PCNX1: variants seen among roughly 807,000 people sequenced by gnomAD.
PCNX1 encodes pecanex-like protein 1.
In PCNX1, 78 loss-of-function variants were observed where a neutral mutation model predicts 242.2. The ratio of observed to expected loss-of-function variants is 0.32; its 90% CI spans 0.27 to 0.39. The LOEUF (loss-of-function observed/expected upper bound fraction) is 0.39, where lower values mean the gene tolerates loss of function less well. Ranked by LOEUF, PCNX1 falls within the 10% of genes least tolerant of loss-of-function variation. The probability of loss-of-function intolerance (pLI) is 1.00; values close to 1 mark genes in which losing one functional copy is unlikely to be tolerated. For missense variants in PCNX1, 2,581 were observed against 2,856.5 expected, an observed-to-expected ratio of 0.90 and a Z score of 2.20; for synonymous variants, 1,024 against 1,032.9, an observed-to-expected ratio of 0.99 and a Z score of 0.17.
Position 71,114,959 on chromosome 14 carries a change from A to G in PCNX1, c.*5024A>G, listed in dbSNP as rs1402208978. The stretch of plus-strand genomic sequence containing the variant: ...TAATAGAAATGGGGGGGGGGGGGGG[A>G]ATCATGTCTGCTTATGCTTTTTAAA... On this transcript the variant is annotated 3_prime_UTR_variant, in exon 36 of 36. Transcript: ENST00000304743. 11 of 86,178 alleles carry G rather than the reference A, an allele frequency of 1.3e-4. No individual in the cohort carries two copies. The South Asian group carries it at 1.5e-3, about 12-fold the overall frequency. The allele number at this position is 86,178 out of a possible 1,614,324, so 5.3% of individuals were successfully genotyped here. A position where few individuals can be genotyped will look rare whatever the true frequency, so the allele number is the denominator to read the frequency against.
chr14:70,939,441 T>C (rs2057143931), intron 1 of PCNX1, among the ~76,000 whole-genome samples: 1 of 152,206 alleles, frequency 6.6e-6, no homozygotes, highest in Non-Finnish European at 1.5e-5. Context: ...GTTGAGTGGT[T>C]TTGAGTGAGT....
intron 1 of PCNX1, among the ~76,000 whole-genome samples, chr14:70,914,491 A>C (rs1460866625): frequency 6.6e-6 from 1 of 152,208 alleles, no homozygotes; most frequent in Non-Finnish European, 1.5e-5. Flanking sequence ...CAAATCATAA[A>C]ATCATTTGGT....
chr14:71,057,554 C>A lies in PCNX1; in HGVS notation c.4682C>A (p.Thr1561Asn). Reference sequence around the variant, plus strand: ...AATTCCATCTTTTATGAGCATTTAACTAGATCCCTACAGCACAGCCTCTGT... The same window carrying A: ...AATTCCATCTTTTATGAGCATTTAAATAGATCCCTACAGCACAGCCTCTGT... ...NLNSIFYEHL[T>N]RSLQHSLCGD... is the part of the protein sequence containing the mutation. The change falls in exon 26 of 36, where the codon ACT (threonine) becomes AAT (asparagine). Residue 1561 changes from threonine to asparagine, a missense_variant. By Grantham distance (65) the Thr-to-Asn change is moderately conservative. Transcript: ENST00000304743. 1 of 1,613,558 alleles carries A rather than the reference C, an allele frequency of 6.2e-7. No individual in the cohort carries two copies. The highest frequency in any genetic ancestry group is 8.5e-7 in the Non-Finnish European group (1 of 1,179,558).
At chr14:71,023,075 T>A (rs1566712772) in intron 12 of PCNX1, 125 bp from the exon 13 acceptor site, 2 of 727,708 alleles carry the variant, frequency 2.7e-6, no homozygotes, top group Non-Finnish European at 5.0e-6. Flanking sequence ...ACAGAATTAT[T>A]AATATAGGTC....
At chr14:71,074,520 G>A (rs185201522) in intron 27 of PCNX1, among the ~76,000 whole-genome samples, 4 of 152,338 alleles carry the variant, frequency 2.6e-5, no homozygotes, top group South Asian at 4.1e-4. Context: ...GGAGCTTCCA[G>A]TTGTCCTCTC....
In PCNX1 at chr14:70,956,551, C is replaced by T. The variant is rs1457797920; in HGVS notation, c.363-5675C>T. ...CCCAGCCTGGCTGACAGGGCAAGAC[C>T]CTGTCTCTTAAAAAAACAAAACAAA... On this transcript the variant is annotated intron_variant, in intron 2 of 35. Transcript: ENST00000304743. 3.3e-5 allele frequency among the ~76,000 whole-genome samples: 5 copies of T among 152,048 alleles called. No individual in the cohort carries two copies. The East Asian group carries it at 5.8e-4, about 18-fold the overall frequency.
chr14:70,953,026 G>C (rs1399756730), intron 2 of PCNX1, among the ~76,000 whole-genome samples: 1 of 152,164 alleles, frequency 6.6e-6, no homozygotes, highest in Non-Finnish European at 1.5e-5. Flanking sequence ...CCAGCACTTT[G>C]GGAGGGAGAG....
chr14:71,107,354 G>A (rs1279139983), intron 33 of PCNX1, among the ~76,000 whole-genome samples: 1 of 151,822 alleles, frequency 6.6e-6, no homozygotes, highest in Non-Finnish European at 1.5e-5. Flanking sequence ...TGTGGTTTTT[G>A]TAATTTTTTT....
intron 1 of PCNX1, among the ~76,000 whole-genome samples, chr14:70,923,701 C>T (rs1417556809): frequency 2.0e-5 from 3 of 152,156 alleles, no homozygotes; most frequent in Admixed American, 1.3e-4. Context: ...ATCTGTCCAT[C>T]GGTAGCTAAG....
chr14:71,076,468 A>G, intron 28 of PCNX1, 49 bp downstream of exon 28: 1 of 1,192,588 alleles, frequency 8.4e-7, no homozygotes, highest in East Asian at 2.3e-5. Flanking sequence ...TTTTCCAAAG[A>G]TGCAAAGAAT....
At chr14:70,969,132 A>G (rs1472070345) in intron 5 of PCNX1, 22 bp downstream of exon 5, 1 of 1,350,732 alleles carries the variant, frequency 7.4e-7, no homozygotes. Flanking sequence ...ATACTTTACC[A>G]TGATGTCATA....
intron 8 of PCNX1, among the ~76,000 whole-genome samples, chr14:70,997,770 A>G (rs1328782113): frequency 6.6e-6 from 1 of 152,222 alleles, no homozygotes; most frequent in Non-Finnish European, 1.5e-5. Context: ...GATTCTGAAA[A>G]TGAACTGCAA....
intron 2 of PCNX1, among the ~76,000 whole-genome samples, chr14:70,948,412 T>G (rs1389033306): frequency 1.3e-5 from 2 of 152,042 alleles, no homozygotes; most frequent in Admixed American, 6.5e-5. Context: ...GAACCTACGT[T>G]GAAATATTGG....
chr14:71,081,359 G>C (rs1337563341), intron 28 of PCNX1, among the ~76,000 whole-genome samples: 2 of 152,108 alleles, frequency 1.3e-5, no homozygotes, highest in Admixed American at 1.3e-4. Flanking sequence ...GCCAGGTTTT[G>C]GTATCAAGAT....
At chr14:71,060,803 G>A (rs570563095) in intron 26 of PCNX1, 2 of 152,290 alleles carry the variant, frequency 1.3e-5, no homozygotes, top group South Asian at 4.1e-4. Context: ...AGACACAGAA[G>A]CATATTATAC....
intron 24 of PCNX1, among the ~76,000 whole-genome samples, chr14:71,052,478 G>A (rs2061065649): frequency 6.6e-6 from 1 of 152,108 alleles, no homozygotes; most frequent in Admixed American, 6.5e-5. Flanking sequence ...CTCCCAAAGT[G>A]TTAGGATCAC....
chr14:71,098,551 T>TGA (rs1480000997), intron 30 of PCNX1, among the ~76,000 whole-genome samples: 2,452 of 128,950 alleles, frequency 0.019, 47 homozygotes, highest in African/African-American at 0.048. Context: ...TGTGTGTGTG[T>TGA]GTGAGAGAGA....
chr14:71,058,934 G>A (rs1249904604), intron 26 of PCNX1, among the ~76,000 whole-genome samples: 1 of 152,152 alleles, frequency 6.6e-6, no homozygotes, highest in Non-Finnish European at 1.5e-5. Context: ...ACCCCAGGCT[G>A]TTCAATCCTA....
rs747730753 is a variant in PCNX1 at position 70,968,230 on chromosome 14, A to T, written c.501A>T (p.Ala167=). ...IGSGSSRLGT[A]ATIKGDTDTA... ...CTGGTTCCTCGCGTCTTGGAACAGC[A>T]GCAACTATTAAAGGTAGGTGTGATC... Residue 167 remains alanine (A), a synonymous_variant, in exon 4 of 36, where the codon GCA becomes GCT. Coordinates refer to ENST00000304743, the MANE Select transcript of PCNX1 (RefSeq NM_014982.3). 5 of 1,613,082 alleles carry T rather than the reference A, an allele frequency of 3.1e-6. 1 individual carries two copies. In the South Asian group the frequency reaches 4.4e-5, roughly 14 times the overall value.
Sources: gnomAD v4.1 joint callset for allele counts (sites outside exome capture counted in the v4.1 genomes callset) on GRCh38, gnomAD v4.1.1 for gene constraint, MANE v1.5 for transcripts, NCBI Gene and HGNC (gene_info 2026-07-23, HGNC 2026-07-21) for gene names.